SULF1: variants seen among roughly 807,000 people sequenced by gnomAD.
SULF1 encodes the protein sulfatase 1, also known as extracellular sulfatase Sulf-1.
In SULF1, 46 loss-of-function variants were observed where a neutral mutation model predicts 110.5. The ratio of observed to expected loss-of-function variants is 0.42; its 90% CI spans 0.33 to 0.53. SULF1 has a LOEUF of 0.53. Ranked by LOEUF, SULF1 falls within the 20% of genes least tolerant of loss-of-function variation. SULF1 has a pLI of 0.12. For missense variants in SULF1, 941 were observed against 1,094.2 expected, an observed-to-expected ratio of 0.86 and a Z score of 1.98; for synonymous variants, 371 against 387.1, an observed-to-expected ratio of 0.96 and a Z score of 0.49.
chr8:69,477,842 T>G (rs1229969664), intron 1 of SULF1, among the ~76,000 whole-genome samples: 1 of 152,072 alleles, frequency 6.6e-6, no homozygotes, highest in African/African-American at 2.4e-5. Context: ...AAGACAAGCT[T>G]AAATAAATAA....
chr8:69,602,147 T>A lies in SULF1; in HGVS notation c.1061+318T>A, dbSNP rs1176303895. ...ATATCACCCTTCTTTGAATCAGAGA[T>A]ACGCTGTCATTTAAAAAAAAAACCT... On this transcript the variant is annotated intron_variant, in intron 10 of 22. Transcript: ENST00000402687. 3.3e-5 allele frequency among the ~76,000 whole-genome samples: 5 copies of A among 152,274 alleles called. No individual in the cohort carries two copies. The South Asian group carries it at 1.0e-3, about 32-fold the overall frequency.
chr8:69,555,456 G>A (rs1479560091), intron 3 of SULF1, among the ~76,000 whole-genome samples: 3 of 152,162 alleles, frequency 2.0e-5, no homozygotes, highest in Non-Finnish European at 2.9e-5. Context: ...TCAGGAGTTC[G>A]AGACCAGCCT....
In SULF1 at chr8:69,630,789, G is replaced by T. The variant is rs562383701; in HGVS notation, c.2284+1110G>T. 4.6e-5 allele frequency among the ~76,000 whole-genome samples: 7 copies of T among 152,290 alleles called. 1 individual carries two copies. In the South Asian group the frequency reaches 1.2e-3, roughly 27 times the overall value. ...TGAAACAAAATAATTATGAGTTGTA[G>T]TAATGCTATGAAGGAAACAGTGATC... On this transcript the variant is annotated intron_variant, in intron 19 of 22. Transcript: ENST00000402687.
intron 13 of SULF1, among the ~76,000 whole-genome samples, chr8:69,607,240 A>T (rs567274745): frequency 6.6e-6 from 1 of 152,346 alleles, no homozygotes; most frequent in African/African-American, 2.4e-5. Context: ...CTAACCCACG[A>T]TTGTGTTTAC....
At chr8:69,620,498 G>A (rs1280175241) in intron 13 of SULF1, among the ~76,000 whole-genome samples, 1 of 152,176 alleles carries the variant, frequency 6.6e-6, no homozygotes, top group Admixed American at 6.5e-5. Flanking sequence ...ACAAAAGAAA[G>A]CCTGACAAGT....
At chr8:69,475,419 A>AC (rs1809259965) in intron 1 of SULF1, among the ~76,000 whole-genome samples, 1 of 151,988 alleles carries the variant, frequency 6.6e-6, no homozygotes. Flanking sequence ...ATAAATTAAA[A>AC]AAAAAATGTT....
At chr8:69,504,872 T>G (rs981302575) in intron 3 of SULF1, among the ~76,000 whole-genome samples, 5 of 152,312 alleles carry the variant, frequency 3.3e-5, no homozygotes, top group Middle Eastern at 3.4e-3. Flanking sequence ...TGGATGTTTT[T>G]GGGTATGTGC....
At chr8:69,646,366 G>A (rs1031352927) in intron 22 of SULF1, among the ~76,000 whole-genome samples, 11 of 151,968 alleles carry the variant, frequency 7.2e-5, no homozygotes, top group Middle Eastern at 3.4e-3. Context: ...GAATGCTTTC[G>A]TATATTAATG....
rs144892344 is a variant in SULF1, at chr8:69,644,040, G to C, written c.2585+3199G>C. ...GTCAGTTCTTGGCAGCCTTCCTCTG[G>C]CAGGGCTGCTTCCTGATCCTTTGCT... On this transcript the variant is annotated intron_variant, in intron 22 of 22. Coordinates refer to ENST00000402687, the MANE Select transcript of SULF1 (RefSeq NM_001128205.2). Among the ~76,000 whole-genome samples, 446 of 152,288 alleles carry C rather than the reference G, an allele frequency of 2.9e-3. 3 individuals carry two copies. Among genetic ancestry groups the C allele is most frequent in the African/African-American group, 0.011 (437 of 41,556 alleles).
At chr8:69,545,920 C>T (rs570582997) in intron 3 of SULF1, among the ~76,000 whole-genome samples, 46 of 152,326 alleles carry the variant, frequency 3.0e-4, no homozygotes, top group African/African-American at 1.1e-3. Flanking sequence ...GTCTCCAACT[C>T]CTGACCTCAG....
At chr8:69,612,729 T>C (rs909630237) in intron 13 of SULF1, among the ~76,000 whole-genome samples, 1 of 152,200 alleles carries the variant, frequency 6.6e-6, no homozygotes, top group African/African-American at 2.4e-5. Flanking sequence ...TTTGGTTGAG[T>C]TCCTTTGTAG....
chr8:69,508,679 T>C (rs1193413756), intron 3 of SULF1, among the ~76,000 whole-genome samples: 3 of 152,198 alleles, frequency 2.0e-5, no homozygotes, highest in African/African-American at 2.4e-5. Context: ...TTAAAATTAC[T>C]AGGTTTTAAA....
chr8:69,654,820 G>A (rs1812596201), intron 22 of SULF1, among the ~76,000 whole-genome samples: 3 of 152,170 alleles, frequency 2.0e-5, no homozygotes, highest in Admixed American at 2.0e-4. Context: ...GACAGCAAAT[G>A]TTTTAACTGC....
intron 5 of SULF1, among the ~76,000 whole-genome samples, chr8:69,567,238 T>C (rs531244279): frequency 1.4e-4 from 22 of 152,290 alleles, no homozygotes; most frequent in African/African-American, 4.3e-4. Flanking sequence ...AGAAAAGTCA[T>C]GCTCTCGGTA....
intron 2 of SULF1, among the ~76,000 whole-genome samples, chr8:69,499,457 T>C (rs1377810184): frequency 6.6e-6 from 1 of 152,226 alleles, no homozygotes; most frequent in African/African-American, 2.4e-5. Context: ...GAATTTCTAT[T>C]GCATATTAAG....
rs1654866050 is a variant in SULF1 at position 69,629,504 on chromosome 8, G to A, written c.2109G>A (p.Lys703=). ...EKLKSHLHPF[K]EAAQEVDSKL... ...AAAATAATCCCTTCTCTTGGAACAG[G>A]GAGGCTGCTCAGGAAGTAGATAGCA... The change falls in exon 19 of 23, where the codon AAG becomes AAA. Residue 703 remains lysine, a splice_region_variant and synonymous_variant. Coordinates refer to ENST00000402687, the MANE Select transcript of SULF1 (RefSeq NM_001128205.2). 6.2e-7 allele frequency: 1 copy of A among 1,610,704 alleles called. No individual in the cohort carries two copies. Among genetic ancestry groups the A allele is most frequent in the South Asian group, 1.1e-5 (1 of 90,446 alleles).
At chr8:69,531,690 C>T (rs1419422727) in intron 3 of SULF1, among the ~76,000 whole-genome samples, 2 of 152,194 alleles carry the variant, frequency 1.3e-5, no homozygotes, top group Admixed American at 1.3e-4. Flanking sequence ...TGCGGATAAC[C>T]TGTGTCTTCA....
chr8:69,658,229 C>G (rs1812867983), intron 22 of SULF1, among the ~76,000 whole-genome samples: 4 of 152,232 alleles, frequency 2.6e-5, no homozygotes, highest in African/African-American at 9.6e-5. Flanking sequence ...GGAGTGAAAC[C>G]CAAATCCCCT....
chr8:69,566,946 A>G (rs938328179), intron 5 of SULF1, among the ~76,000 whole-genome samples: 2 of 152,240 alleles, frequency 1.3e-5, no homozygotes, highest in African/African-American at 2.4e-5. Flanking sequence ...AATGAGGCTC[A>G]GAGAAGTCAT....
Sources: allele counts gnomAD v4.1 joint callset (sites outside exome capture counted in the v4.1 genomes callset), GRCh38; gene constraint gnomAD v4.1.1; transcripts MANE v1.5; gene names NCBI Gene and HGNC (gene_info 2026-07-23, HGNC 2026-07-21).